ANKH: variants seen among roughly 807,000 people sequenced by gnomAD.
The protein encoded by ANKH is mineralization regulator ANKH.
Under a neutral mutation model 49.0 loss-of-function variants are expected in ANKH, and 15 were observed. The ratio of observed to expected loss-of-function variants is 0.31; its 90% CI spans 0.20 to 0.47. ANKH has a LOEUF of 0.47. Among genes scored for constraint, ANKH ranks in the 20% least tolerant of loss-of-function variants. The probability of loss-of-function intolerance (pLI) is 1.00; values close to 1 mark genes in which losing one functional copy is unlikely to be tolerated. For synonymous variants in ANKH, 273 were observed against 260.0 expected (o/e 1.05, Z -0.48); for missense variants, 429 against 652.0 (o/e 0.66, Z 3.72).
chr5:14,731,290 G>T (rs1212158543), intron 8 of ANKH, among the ~76,000 whole-genome samples: 2 of 152,180 alleles, frequency 1.3e-5, no homozygotes, highest in Non-Finnish European at 2.9e-5. Flanking sequence ...CTATGGCAGG[G>T]TCTATGGTGG....
chr5:14,717,585 C>G (rs1256246671), intron 8 of ANKH, among the ~76,000 whole-genome samples: 1 of 152,188 alleles, frequency 6.6e-6, no homozygotes, highest in Non-Finnish European at 1.5e-5. Context: ...AGTAAGCAAT[C>G]CATCCACAGC....
intron 6 of ANKH, 137 bp from the exon 7 acceptor site, chr5:14,746,099 G>T: frequency 1.4e-6 from 1 of 739,730 alleles, no homozygotes; most frequent in Non-Finnish European, 2.4e-6. Flanking sequence ...CAAACATCAG[G>T]CAAGCACAGG....
chr5:14,769,436 A>C (rs1739355700), intron 1 of ANKH, among the ~76,000 whole-genome samples: 1 of 152,258 alleles, frequency 6.6e-6, no homozygotes, highest in Non-Finnish European at 1.5e-5. Flanking sequence ...CAAAACACCA[A>C]CAAATATTTT....
At chr5:14,799,791 T>C (rs1203505351) in intron 1 of ANKH, among the ~76,000 whole-genome samples, 3 of 152,234 alleles carry the variant, frequency 2.0e-5, no homozygotes, top group East Asian at 3.8e-4. Flanking sequence ...AGGAGATTTA[T>C]GTTGTTTTCA....
At chr5:14,802,872 T>C (rs1440534929) in intron 1 of ANKH, among the ~76,000 whole-genome samples, 1 of 152,192 alleles carries the variant, frequency 6.6e-6, no homozygotes, top group East Asian at 1.9e-4. Context: ...GCTTACTGAA[T>C]TACTTGGCAC....
intron 1 of ANKH, among the ~76,000 whole-genome samples, chr5:14,823,174 GA>G (rs1561071512): frequency 6.6e-6 from 1 of 152,176 alleles, no homozygotes; most frequent in Non-Finnish European, 1.5e-5. Context: ...GTTGCAATGG[GA>G]AAAGTGTGAA....
chr5:14,739,108 A>G (rs1397053653), intron 8 of ANKH, among the ~76,000 whole-genome samples: 1 of 152,094 alleles, frequency 6.6e-6, no homozygotes, highest in African/African-American at 2.4e-5. Flanking sequence ...GGACAGTTTA[A>G]TGTTTAATTT....
At chr5:14,855,162 T>C (rs1309279294) in intron 1 of ANKH, among the ~76,000 whole-genome samples, 1 of 152,172 alleles carries the variant, frequency 6.6e-6, no homozygotes, top group African/African-American at 2.4e-5. Flanking sequence ...GACATAGTAT[T>C]CTCTTTAGGC....
chr5:14,803,636 ACTT>A (rs558566973), intron 1 of ANKH, among the ~76,000 whole-genome samples: 5 of 151,522 alleles, frequency 3.3e-5, no homozygotes, highest in African/African-American at 7.3e-5. Flanking sequence ...TACATTTTAC[ACTT>A]CTTCTTCTTC....
intron 8 of ANKH, among the ~76,000 whole-genome samples, chr5:14,729,376 C>T (rs544812499): frequency 6.6e-6 from 1 of 151,062 alleles, no homozygotes; most frequent in East Asian, 2.0e-4. Flanking sequence ...TTAGTAGAGA[C>T]GGGGTTTCAC....
chr5:14,853,527 A>T (rs1218396260), intron 1 of ANKH, among the ~76,000 whole-genome samples: 2 of 152,172 alleles, frequency 1.3e-5, no homozygotes. Flanking sequence ...CAGTGAGCTG[A>T]GATTGTGCCA....
Position 14,713,057 on chromosome 5 carries a change from TGTA to T in ANKH, c.1266-87_1266-85del. The T allele has an allele frequency of 7.4e-7, 1 of 1,343,698 alleles. No individual in the cohort carries two copies. The allele number at this position is 1,343,698 out of a possible 1,614,324, so 83.2% of individuals were successfully genotyped here. A position where few individuals can be genotyped will look rare whatever the true frequency, so the allele number is the denominator to read the frequency against. ...CGATGCCAAAACCCAGGAAAGTAAG[TGTA>T]GCCTCGAGACGGCTGAGACCAGCGG... is the stretch of plus-strand genomic sequence containing the variant. On this transcript the variant is annotated intron_variant, in intron 10 of 11. Transcript: ENST00000284268. The surrounding 1 kb of genome is among the most constrained non-coding windows in gnomAD (Gnocchi z 4.4).
At chr5:14,831,638 G>A (rs1238511275) in intron 1 of ANKH, among the ~76,000 whole-genome samples, 2 of 152,176 alleles carry the variant, frequency 1.3e-5, no homozygotes, top group African/African-American at 4.8e-5. Context: ...GAGAAATCCT[G>A]TGGGACAGGA....
chr5:14,743,720 T>C (rs1037614457), intron 7 of ANKH, among the ~76,000 whole-genome samples: 3 of 152,182 alleles, frequency 2.0e-5, no homozygotes, highest in African/African-American at 4.8e-5. Context: ...AAATGGCTGG[T>C]GTAGCTCGCT....
chr5:14,771,822 G>A (rs1352540623), intron 1 of ANKH, among the ~76,000 whole-genome samples: 3 of 149,918 alleles, frequency 2.0e-5, no homozygotes, highest in Non-Finnish European at 3.0e-5. Flanking sequence ...TCGGGAGGCT[G>A]AGAGTCACTT....
chr5:14,714,240 T>G (rs1737357022), intron 9 of ANKH, among the ~76,000 whole-genome samples: 1 of 152,178 alleles, frequency 6.6e-6, no homozygotes, highest in South Asian at 2.1e-4. Context: ...TGGGCCCTCG[T>G]TGGTGTGCTG....
chr5:14,805,776 G>A (rs547225505), intron 1 of ANKH, among the ~76,000 whole-genome samples: 5 of 151,970 alleles, frequency 3.3e-5, no homozygotes, highest in African/African-American at 1.2e-4. Flanking sequence ...CCAACCCACT[G>A]CAGAGACATT....
intron 1 of ANKH, among the ~76,000 whole-genome samples, chr5:14,804,586 C>T (rs1290989512): frequency 1.3e-5 from 2 of 152,152 alleles, no homozygotes; most frequent in Non-Finnish European, 2.9e-5. Context: ...ATGTGATTGT[C>T]AGTGATGGAC....
chr5:14,838,820 A>G (rs181471560), intron 1 of ANKH, among the ~76,000 whole-genome samples: 29 of 152,324 alleles, frequency 1.9e-4, no homozygotes, highest in African/African-American at 7.0e-4. Context: ...TTTTTCTGCC[A>G]GTGTATACAA....
Sources: allele counts gnomAD v4.1 joint callset (sites outside exome capture counted in the v4.1 genomes callset), GRCh38; gene constraint gnomAD v4.1.1; non-coding constraint Gnocchi (gnomAD v3.1); transcripts MANE v1.5; gene names NCBI Gene and HGNC (gene_info 2026-07-23, HGNC 2026-07-21).